The following POMGNT1 variants were observed in gnomAD, a reference collection of about 807,000 sequenced individuals.
POMGNT1 encodes protein O-linked-mannose beta-1,2-N-acetylglucosaminyltransferase 1.
POMGNT1 carries 67 observed loss-of-function variants against 95.6 expected under a neutral mutation model. The observed-to-expected ratio is 0.70, with a 90% CI of 0.58 to 0.86. The LOEUF (loss-of-function observed/expected upper bound fraction) is 0.86, where lower values mean the gene tolerates loss of function less well. Ranked by LOEUF, POMGNT1 falls within the 40% of genes least tolerant of loss-of-function variation. The probability of loss-of-function intolerance (pLI) is 0.00; values close to 1 mark genes in which losing one functional copy is unlikely to be tolerated. For synonymous variants in POMGNT1, 298 were observed against 317.9 expected (o/e 0.94, Z 0.66); for missense variants, 719 against 855.2 (o/e 0.84, Z 1.99).
rs780574780 is a variant in POMGNT1 at position 46,194,913 on chromosome 1, T to G, written c.583A>C (p.Ser195Arg). ...LKDTAKALLRSLGSQAGPALG... is the reference protein window; with the variant it reads ...LKDTAKALLRRLGSQAGPALG... ...GCAGGGCCAGCCTGGCTGCCCAGGC[T>G]CCTCAGCAGAGCCTTGGCTGTGTCC... Residue 195 changes from serine (S) to arginine (R), a missense_variant, in exon 7 of 22, where the codon AGC becomes CGC. Ser to Arg is a moderately radical substitution (Grantham distance 110). This residue lies in a region of POMGNT1 where 466 missense variants were observed against 517.4 expected (regional missense o/e 0.90). Transcript: ENST00000371984. 1.9e-6 allele frequency: 3 copies of G among 1,613,994 alleles called. No individual in the cohort carries two copies. Among genetic ancestry groups the G allele is most frequent in the Non-Finnish European group, 1.7e-6 (2 of 1,180,040 alleles).
intron 1 of POMGNT1, among the ~76,000 whole-genome samples, chr1:46,206,076 G>C (rs1658706073): frequency 6.6e-6 from 1 of 152,252 alleles, no homozygotes; most frequent in African/African-American, 2.4e-5. Flanking sequence ...ATGGGAAACA[G>C]TGGCAACTTC....
chr1:46,216,618 A>AG (rs1440377078), intron 1 of POMGNT1, among the ~76,000 whole-genome samples: 1 of 152,202 alleles, frequency 6.6e-6, no homozygotes, highest in African/African-American at 2.4e-5. Flanking sequence ...CTGGAATTAC[A>AG]GGCAAGAGCC....
Position 46,192,887 on chromosome 1 carries a change from A to G in POMGNT1, c.1211+13T>C, listed in dbSNP as rs1192621157. ...CTGAGGGACCTCAACTGAAACCTAG[A>G]GACTCCCCTCACCTGAAAAAATCCA... On this transcript the variant is annotated intron_variant, in intron 14 of 21. Coordinates refer to ENST00000371984, the MANE Select transcript of POMGNT1 (RefSeq NM_017739.4). 1.2e-6 allele frequency: 2 copies of G among 1,614,086 alleles called. No homozygotes were observed.
intron 1 of POMGNT1, among the ~76,000 whole-genome samples, chr1:46,213,593 T>A (rs1474680753): frequency 1.3e-5 from 2 of 152,002 alleles, no homozygotes; most frequent in Non-Finnish European, 2.9e-5. Context: ...GCACAATGGC[T>A]TACGCCTGTA....
In POMGNT1 at chr1:46,190,157, G is replaced by T; in HGVS notation, c.1650-168C>A. 3 of 816,336 alleles carry T rather than the reference G, an allele frequency of 3.7e-6. No individual in the cohort carries two copies. In the South Asian group the frequency reaches 5.6e-5, roughly 15 times the overall value. 50.6% of individuals were successfully genotyped at this position (816,336 alleles called of 1,614,324 possible). A position where few individuals can be genotyped will look rare whatever the true frequency, so the allele number is the denominator to read the frequency against. On this transcript the variant is annotated intron_variant, in intron 19 of 21. Transcript: ENST00000371984. ...TCTGTCGCCCAGGCTGGAGTCTCCT[G>T]CCTCAGCCTCCCAAGTAGCTGGGAC...
upstream of POMGNT1, among the ~76,000 whole-genome samples, chr1:46,202,894 A>G: frequency 1.0e-5 from 1 of 100,116 alleles, no homozygotes; most frequent in Non-Finnish European, 1.8e-5. Context: ...CGTTAGCCTG[A>G]ATTCTAGCCC....
intron 10 of POMGNT1, 107 bp downstream of exon 10, chr1:46,193,748 C>G: frequency 1.3e-6 from 2 of 1,596,506 alleles, no homozygotes; most frequent in Non-Finnish European, 1.7e-6. Context: ...GAGGTGAATG[C>G]GTCTAGAATC....
intron 1 of POMGNT1, among the ~76,000 whole-genome samples, chr1:46,207,161 A>G (rs1415869060): frequency 6.6e-6 from 1 of 151,700 alleles, no homozygotes; most frequent in Non-Finnish European, 1.5e-5. Flanking sequence ...GTTCACTGCA[A>G]CCTCTGCCTT....
chr1:46,205,365 C>T (rs1658678766), intron 1 of POMGNT1, among the ~76,000 whole-genome samples: 1 of 152,084 alleles, frequency 6.6e-6, no homozygotes, highest in South Asian at 2.1e-4. Context: ...TGCCCAACAT[C>T]ACGCAAAAAG....
In POMGNT1 at chr1:46,188,900, A is replaced by C; in HGVS notation, c.*370T>G. 2.5e-6 allele frequency: 4 copies of C among 1,612,786 alleles called. No homozygotes were observed. Among genetic ancestry groups the C allele is most frequent in the Non-Finnish European group, 3.4e-6 (4 of 1,179,872 alleles). The stretch of plus-strand genomic sequence containing the variant: ...CCTCAGGGCAGCATTCCAGCCCAAA[A>C]AGAAATCCAGGCCCTCCAGGTTCGG... On this transcript the variant is annotated 3_prime_UTR_variant, in exon 22 of 22. Coordinates refer to ENST00000371984, the MANE Select transcript of POMGNT1 (RefSeq NM_017739.4).
At position 46,192,800 on chromosome 1, in the gene POMGNT1, C is replaced by T. The variant is rs1388180105; in HGVS notation, c.1211+100G>A. 5 of 1,594,026 alleles carry T rather than the reference C, an allele frequency of 3.1e-6. No individual in the cohort carries two copies. The South Asian group carries it at 3.3e-5, about 11-fold the overall frequency. On this transcript the variant is annotated intron_variant, in intron 14 of 21. Coordinates refer to ENST00000371984, the MANE Select transcript of POMGNT1 (RefSeq NM_017739.4). ...TACCTTTGCCCAGGCTTCGCCCCCACTTGTGAGCTCATGTCCTCCAGAAAG... is the reference window on the plus strand; with the variant it reads ...TACCTTTGCCCAGGCTTCGCCCCCATTTGTGAGCTCATGTCCTCCAGAAAG...
rs1349291334 is a variant in POMGNT1 at position 46,194,646 on chromosome 1, C to A, written c.658G>T (p.Val220Phe). 6.2e-7 allele frequency: 1 copy of A among 1,614,140 alleles called. No homozygotes were observed. The highest frequency in any genetic ancestry group is 1.7e-5 in the Admixed American group (1 of 60,018). ...WAFVGRKGGP[V>F]FGEKHSKSPA... ...GATTTAGAATGTTTCTCCCCGAAGA[C>A]AGGACCTGGCAGGAGGCAGGAATGA... Residue 220 changes from valine to phenylalanine, a missense_variant, in exon 8 of 22, where the codon GTC (valine) becomes TTC (phenylalanine). Val to Phe is a conservative substitution (Grantham distance 50, BLOSUM62 -1). Coordinates refer to ENST00000371984, the MANE Select transcript of POMGNT1 (RefSeq NM_017739.4).
intron 1 of POMGNT1, among the ~76,000 whole-genome samples, chr1:46,218,990 G>T (rs1358283868): frequency 6.6e-6 from 1 of 152,048 alleles, no homozygotes; most frequent in Admixed American, 6.6e-5. Context: ...GTGAATATGG[G>T]CAGGCTCAAT....
At chr1:46,220,246 T>C in exon 1 of POMGNT1, 1 of 1,568,138 alleles carries the variant, frequency 6.4e-7, no homozygotes, top group Non-Finnish European at 8.6e-7. Flanking sequence ...TTTGTAATCC[T>C]GTGGCTCTTT....
chr1:46,216,298 G>A (rs1295646617), intron 1 of POMGNT1, among the ~76,000 whole-genome samples: 1 of 151,674 alleles, frequency 6.6e-6, no homozygotes, highest in Admixed American at 6.6e-5. Context: ...CACCCGCCTC[G>A]GCCTCCCAAA....
At chr1:46,195,946 G>T (rs1209562524) in intron 5 of POMGNT1, 22 bp from the exon 6 acceptor site, 2 of 1,614,098 alleles carry the variant, frequency 1.2e-6, no homozygotes, top group Admixed American at 3.3e-5. Context: ...TATACTTCTG[G>T]TGAGTTGGTG....
chr1:46,202,696 CAAAAAAAAAAA>C (rs768113273), upstream of POMGNT1, among the ~76,000 whole-genome samples: 6 of 32,230 alleles, frequency 1.9e-4, no homozygotes, highest in South Asian at 1.6e-3. Context: ...GACTCTGTCT[CAAAAAAAAAAA>C]AAAAAAAAAA....
chr1:46,194,687 A>G lies in POMGNT1; in HGVS notation c.653-36T>C, dbSNP rs140591339. On this transcript the variant is annotated intron_variant, in intron 7 of 21. Transcript: ENST00000371984. Reference sequence around the variant, plus strand: ...GCAGGAATGAGGGCCATGGGGGCCCAGACACCAGTTTGGGGGCTTTTTCCC... The same window carrying G: ...GCAGGAATGAGGGCCATGGGGGCCCGGACACCAGTTTGGGGGCTTTTTCCC... 997 of 1,614,254 alleles carry G rather than the reference A, an allele frequency of 6.2e-4. 1 individual carries two copies. The highest frequency in any genetic ancestry group is 3.6e-3 in the Middle Eastern group (22 of 6,058).
Position 46,188,844 on chromosome 1 carries a change from C to T in POMGNT1, c.*426G>A, listed in dbSNP as rs757216968. Reference sequence around the variant, plus strand: ...GCTGGGCCTGTCCATGGGTTGGGCACAGCAGTTTCCTGAGTAAGAGCCAGC... The same window carrying T: ...GCTGGGCCTGTCCATGGGTTGGGCATAGCAGTTTCCTGAGTAAGAGCCAGC... On this transcript the variant is annotated 3_prime_UTR_variant, in exon 22 of 22. Transcript: ENST00000371984. The T allele has an allele frequency of 1.9e-6, 3 of 1,612,924 alleles. No individual in the cohort carries two copies. The South Asian group carries it at 3.3e-5, about 18-fold the overall frequency.
Sources: gnomAD v4.1 joint callset for allele counts (sites outside exome capture counted in the v4.1 genomes callset) on GRCh38, gnomAD v4.1.1 for gene constraint, gnomAD v4.1.1 regional missense constraint, MANE v1.5 for transcripts, NCBI Gene and HGNC (gene_info 2026-07-23, HGNC 2026-07-21) for gene names.